XPR1: variants seen among roughly 807,000 people sequenced by gnomAD.
XPR1 encodes the protein xenotropic and polytropic retrovirus receptor 1.
In XPR1, 28 loss-of-function variants were observed where a neutral mutation model predicts 87.5. The observed-to-expected ratio is 0.32, with a 90% confidence interval of 0.24 to 0.44. The LOEUF (loss-of-function observed/expected upper bound fraction) is 0.44, where lower values mean the gene tolerates loss of function less well. Ranked by LOEUF, XPR1 falls within the 20% of genes least tolerant of loss-of-function variation. The probability of loss-of-function intolerance (pLI) is 1.00; values close to 1 mark genes in which losing one functional copy is unlikely to be tolerated. For synonymous variants in XPR1, 300 were observed against 306.1 expected, an observed-to-expected ratio of 0.98 and a Z score of 0.21; for missense variants, 559 against 862.3, an observed-to-expected ratio of 0.65 and a Z score of 4.41.
At chr1:180,726,383 C>T (rs1167953293) in intron 2 of XPR1, among the ~76,000 whole-genome samples, 2 of 152,174 alleles carry the variant, frequency 1.3e-5, no homozygotes, top group African/African-American at 4.8e-5. Context: ...CTTGCTGCTG[C>T]TCACTCTTTG....
intron 2 of XPR1, among the ~76,000 whole-genome samples, chr1:180,784,292 TA>T (rs1392641611): frequency 6.6e-6 from 1 of 152,082 alleles, no homozygotes; most frequent in Non-Finnish European, 1.5e-5. Context: ...GTTGAAAAGC[TA>T]TATTTCCTTT....
chr1:180,667,827 C>T (rs539271902), intron 1 of XPR1, among the ~76,000 whole-genome samples: 1 of 152,158 alleles, frequency 6.6e-6, no homozygotes, highest in Admixed American at 6.5e-5. Flanking sequence ...TTTTACCTTC[C>T]TAGGAATTTG....
chr1:180,762,064 C>T (rs1230704902), intron 2 of XPR1, among the ~76,000 whole-genome samples: 8 of 143,870 alleles, frequency 5.6e-5, no homozygotes, highest in Admixed American at 7.5e-5. Flanking sequence ...AGGTGGGAAT[C>T]GAACACTGAG....
chr1:180,765,170 T>A (rs1648229886), intron 2 of XPR1, among the ~76,000 whole-genome samples: 1 of 152,148 alleles, frequency 6.6e-6, no homozygotes, highest in Non-Finnish European at 1.5e-5. Flanking sequence ...GTGCTATGGA[T>A]GAGGTAAGTG....
chr1:180,741,317 C>T, intron 2 of XPR1, among the ~76,000 whole-genome samples: 1 of 152,022 alleles, frequency 6.6e-6, no homozygotes, highest in Admixed American at 6.5e-5. Context: ...ATGCCTGCCA[C>T]CACGCCGAGC....
intron 10 of XPR1, among the ~76,000 whole-genome samples, chr1:180,835,422 A>G (rs753435702): frequency 6.6e-6 from 1 of 152,180 alleles, no homozygotes; most frequent in African/African-American, 2.4e-5. Flanking sequence ...AAATAGATCA[A>G]GTGCTTTGAG....
At chr1:180,879,930 A>T in intron 13 of XPR1, 146 bp from the exon 14 acceptor site, 4 of 833,472 alleles carry the variant, frequency 4.8e-6, no homozygotes, top group Non-Finnish European at 5.6e-6. Context: ...CCTCCCCGCA[A>T]CACCATCTTT....
intron 6 of XPR1, among the ~76,000 whole-genome samples, chr1:180,808,902 G>A (rs6686781): frequency 0.043 from 6,552 of 152,206 alleles, 506 homozygotes; most frequent in African/African-American, 0.15. Context: ...GTGTACACCT[G>A]CCATATGGTC....
At chr1:180,649,985 G>T (rs1655243373) in intron 1 of XPR1, among the ~76,000 whole-genome samples, 1 of 152,090 alleles carries the variant, frequency 6.6e-6, no homozygotes, top group South Asian at 2.1e-4. Context: ...TTTGCTTCCT[G>T]TTGGTATCCC....
intron 1 of XPR1, among the ~76,000 whole-genome samples, chr1:180,654,390 G>A (rs537339285): frequency 2.0e-5 from 3 of 151,784 alleles, no homozygotes; most frequent in African/African-American, 7.3e-5. Context: ...GTCCCTGAAG[G>A]CTTTTTAAAA....
Position 180,834,884 on chromosome 1 carries a change from T to C in XPR1, c.1145T>C (p.Phe382Ser). ...FWLLKLLFRV[F>S]TAPFHKVGFA... ...TTTTTTTTCTTTCAGTTTCGAGTAT[T>C]TACAGCCCCCTTCCATAAGGTAGGC... The change falls in exon 10 of 15, where the codon TTT becomes TCT. Residue 382 changes from phenylalanine (F) to serine (S), a missense_variant. Transcript: ENST00000367590. The C allele has an allele frequency of 6.2e-7, 1 of 1,610,772 alleles. No individual in the cohort carries two copies. Among genetic ancestry groups the C allele is most frequent in the Admixed American group, 1.7e-5 (1 of 59,304 alleles).
At chr1:180,872,553 A>G (rs1441104941) in intron 12 of XPR1, among the ~76,000 whole-genome samples, 8 of 80,400 alleles carry the variant, frequency 1.0e-4, no homozygotes, top group Admixed American at 5.7e-4. Context: ...GAAAAGCGCA[A>G]TATTCGGGTG....
intron 2 of XPR1, among the ~76,000 whole-genome samples, chr1:180,731,140 C>T (rs1044987040): frequency 1.4e-4 from 21 of 151,924 alleles, no homozygotes; most frequent in South Asian, 4.2e-4. Context: ...TTATTGGTGT[C>T]GATCTGCACC....
In XPR1 at chr1:180,890,187, A is replaced by G. The variant is rs1477816596; in HGVS notation, c.*6121A>G. On this transcript the variant is annotated 3_prime_UTR_variant, in exon 15 of 15. Transcript: ENST00000367590. The stretch of plus-strand genomic sequence containing the variant: ...ATGTGGTTATGTGTTTTTAAAGAAA[A>G]TAAGTGATTGGTCACTAAACTCTGT... The G allele has an allele frequency of 6.6e-6, 1 of 152,234 alleles. No individual in the cohort carries two copies. The highest frequency in any genetic ancestry group is 1.5e-5 in the Non-Finnish European group (1 of 68,038). 9.4% of individuals were successfully genotyped at this position (152,234 alleles called of 1,614,324 possible).
intron 8 of XPR1, 70 bp downstream of exon 8, chr1:180,825,013 G>A: frequency 2.0e-6 from 3 of 1,531,886 alleles, no homozygotes; most frequent in South Asian, 1.3e-5. Flanking sequence ...TGGTTTAGTG[G>A]GTACTTAAAT....
intron 12 of XPR1, among the ~76,000 whole-genome samples, chr1:180,866,797 A>ATT (rs539839824): frequency 4.4e-5 from 6 of 136,368 alleles, no homozygotes; most frequent in Admixed American, 7.6e-5. Flanking sequence ...ATATTAGTTT[A>ATT]TTTTTTTTTT....
intron 11 of XPR1, among the ~76,000 whole-genome samples, chr1:180,852,806 C>T (rs1651906549): frequency 6.6e-6 from 1 of 152,170 alleles, no homozygotes; most frequent in African/African-American, 2.4e-5. Flanking sequence ...GGATTACAGG[C>T]GTGAGCCACC....
intron 2 of XPR1, among the ~76,000 whole-genome samples, chr1:180,772,091 TTTATTCAGTTA>T (rs753517596): frequency 1.3e-4 from 20 of 152,290 alleles, no homozygotes; most frequent in Non-Finnish European, 2.5e-4. Flanking sequence ...TTCTCACACA[TTTATTCAGTTA>T]TTTATTTATT....
chr1:180,662,718 C>T (rs950207978), intron 1 of XPR1, among the ~76,000 whole-genome samples: 3 of 152,134 alleles, frequency 2.0e-5, no homozygotes, highest in Non-Finnish European at 4.4e-5. Context: ...AAACTTTCTA[C>T]CCCAAGTCTC....
Sources: gnomAD v4.1 joint callset for allele counts (sites outside exome capture counted in the v4.1 genomes callset) on GRCh38, gnomAD v4.1.1 for gene constraint, MANE v1.5 for transcripts, NCBI Gene and HGNC (gene_info 2026-07-23, HGNC 2026-07-21) for gene names.